INPP5D: variants seen among roughly 807,000 people sequenced by gnomAD.
INPP5D encodes inositol polyphosphate-5-phosphatase D, also known as phosphatidylinositol 3,4,5-trisphosphate 5-phosphatase 1.
In INPP5D, 33 loss-of-function variants were observed where a neutral mutation model predicts 122.9. The observed-to-expected ratio is 0.27, with a 90% CI of 0.20 to 0.36. The LOEUF (loss-of-function observed/expected upper bound fraction) is 0.36, where lower values mean the gene tolerates loss of function less well. Among genes scored for constraint, INPP5D ranks in the 10% least tolerant of loss-of-function variants. The pLI, the probability that INPP5D is intolerant of heterozygous loss-of-function variation, is 1.00. For synonymous variants in INPP5D, 584 were observed against 576.2 expected (o/e 1.01, Z -0.19); for missense variants, 1,053 against 1,412.7 (o/e 0.75, Z 4.08).
intron 25 of INPP5D, among the ~76,000 whole-genome samples, chr2:233,201,546 G>A (rs1695342424): frequency 2.6e-5 from 4 of 152,240 alleles, no homozygotes; most frequent in Admixed American, 2.6e-4. Context: ...CCAGGTCCCA[G>A]GCTCAGCCAG....
chr2:233,090,134 A>T (rs1691953874), intron 2 of INPP5D, among the ~76,000 whole-genome samples: 1 of 152,348 alleles, frequency 6.6e-6, no homozygotes, highest in Admixed American at 6.5e-5. Flanking sequence ...ATGCGTCGCC[A>T]TCCCCTGAAT....
At chr2:233,182,319 T>A (rs1694803937) in intron 18 of INPP5D, 91 bp from the exon 19 acceptor site, 1 of 1,568,128 alleles carries the variant, frequency 6.4e-7, no homozygotes, top group Non-Finnish European at 8.7e-7. Context: ...GCTCCATAAC[T>A]AAAGTTTCTT....
chr2:233,182,053 G>A (rs149187695), intron 18 of INPP5D, among the ~76,000 whole-genome samples: 189 of 152,284 alleles, frequency 1.2e-3, no homozygotes, highest in Non-Finnish European at 1.8e-3. Context: ...CCGAGATCGC[G>A]CCACTGCATT....
rs948717689 is a variant in INPP5D, at chr2:233,147,726, TTG to T, written c.1030+146_1030+147del. ...CGCATGCGCGCCTGCGCTCATGCTT[TTG>T]TGTGTGTGTGTGTCTCTTCTCTTCC... On this transcript the variant is annotated intron_variant, in intron 9 of 26. Coordinates refer to ENST00000445964, the MANE Select transcript of INPP5D (RefSeq NM_001017915.3). 1.3e-3 allele frequency: 786 copies of T among 609,006 alleles called. 1 individual carries two copies. Among genetic ancestry groups the T allele is most frequent in the South Asian group, 2.6e-3 (139 of 53,112 alleles). The allele number at this position is 609,006 out of a possible 1,614,324, so 37.7% of individuals were successfully genotyped here.
At chr2:233,090,647 T>C (rs1253907785) in intron 2 of INPP5D, among the ~76,000 whole-genome samples, 1 of 152,016 alleles carries the variant, frequency 6.6e-6, no homozygotes, top group Non-Finnish European at 1.5e-5. Flanking sequence ...AAAACGGACA[T>C]TCCAACAAGC....
intron 2 of INPP5D, among the ~76,000 whole-genome samples, chr2:233,102,045 C>T (rs753993490): frequency 6.6e-5 from 10 of 151,756 alleles, no homozygotes; most frequent in Non-Finnish European, 4.4e-5. Flanking sequence ...TCTGTTAGTT[C>T]GTTAAACCAC....
At chr2:233,106,444 GA>G (rs1336677272) in intron 2 of INPP5D, among the ~76,000 whole-genome samples, 1 of 152,248 alleles carries the variant, frequency 6.6e-6, no homozygotes. Flanking sequence ...CCTCAGCTCA[GA>G]ACTGGTGCTT....
chr2:233,139,466 CTGTGTGTG>C (rs1191977468), intron 5 of INPP5D, among the ~76,000 whole-genome samples: 49,452 of 147,418 alleles, frequency 0.34, 8,241 homozygotes, highest in East Asian at 0.43. Context: ...TTGTTAACAC[CTGTGTGTG>C]TGTGTGTGTG....
At chr2:233,062,338 C>T (rs1691099343) in intron 1 of INPP5D, among the ~76,000 whole-genome samples, 1 of 152,224 alleles carries the variant, frequency 6.6e-6, no homozygotes, top group African/African-American at 2.4e-5. Flanking sequence ...CCGTGAGCAT[C>T]TTAACGTCTA....
At chr2:233,106,895 T>A (rs2106239264) in intron 2 of INPP5D, among the ~76,000 whole-genome samples, 1 of 152,310 alleles carries the variant, frequency 6.6e-6, no homozygotes, top group East Asian at 1.9e-4. Flanking sequence ...TAACAGAGAC[T>A]TCAGAGCTGT....
intron 3 of INPP5D, among the ~76,000 whole-genome samples, chr2:233,124,729 G>A (rs947679286): frequency 6.6e-6 from 1 of 152,254 alleles, no homozygotes; most frequent in Non-Finnish European, 1.5e-5. Context: ...GGCCCCTCTG[G>A]GCATGGCTGT....
chr2:233,206,304 C>A lies in INPP5D; in HGVS notation c.3568-402C>A, dbSNP rs907765620. ...ATATTTATGTATTTACATTGATATCCATTACATATCATTTCATATATATAT... is the reference window on the plus strand; with the variant it reads ...ATATTTATGTATTTACATTGATATCAATTACATATCATTTCATATATATAT... On this transcript the variant is annotated intron_variant, in intron 26 of 26. Coordinates refer to ENST00000445964, the MANE Select transcript of INPP5D (RefSeq NM_001017915.3). The surrounding 1 kb of genome is among the most constrained non-coding windows in gnomAD (Gnocchi z 4.0). Among the ~76,000 whole-genome samples the A allele has an allele frequency of 1.3e-5, 2 of 151,052 alleles. No homozygotes were observed. Among genetic ancestry groups the A allele is most frequent in the Non-Finnish European group, 2.9e-5 (2 of 67,852 alleles).
At chr2:233,137,803 G>A (rs1333685574) in intron 5 of INPP5D, among the ~76,000 whole-genome samples, 1 of 110,130 alleles carries the variant, frequency 9.1e-6, no homozygotes, top group Admixed American at 1.2e-4. Context: ...TTGCACTCCA[G>A]CCTGGGCAAC....
chr2:233,134,972 G>C (rs1455420540), intron 5 of INPP5D, among the ~76,000 whole-genome samples: 1 of 63,870 alleles, frequency 1.6e-5, no homozygotes, highest in Non-Finnish European at 5.0e-5. Context: ...AAACCTAGAT[G>C]AGGAAATGTG....
intron 9 of INPP5D, 82 bp from the exon 10 acceptor site, chr2:233,158,227 TAGTC>T: frequency 1.6e-6 from 1 of 620,878 alleles, no homozygotes; most frequent in East Asian, 2.8e-5. Flanking sequence ...CGGGAGTTGA[TAGTC>T]AGGTGCCTGG....
intron 25 of INPP5D, among the ~76,000 whole-genome samples, chr2:233,201,062 T>C (rs1695325347): frequency 1.3e-5 from 2 of 152,114 alleles, no homozygotes; most frequent in Non-Finnish European, 2.9e-5. Flanking sequence ...AGGATAGCCC[T>C]GAAGCTCAGC....
intron 19 of INPP5D, 94 bp from the exon 20 acceptor site, chr2:233,184,314 G>A (rs1694854751): frequency 6.7e-7 from 1 of 1,498,298 alleles, no homozygotes; most frequent in Non-Finnish European, 9.0e-7. Flanking sequence ...CTGGGACCCT[G>A]AGAAGGAGCT....
Position 233,163,795 on chromosome 2 carries a change from C to G in INPP5D, c.1329C>G (p.Pro443=), listed in dbSNP as rs1559328014. Residue 443 remains proline, a synonymous_variant, in exon 12 of 27, where the codon CCC becomes CCG. Transcript: ENST00000445964. The stretch of plus-strand genomic sequence containing the variant: ...GGGACGACTCTGCGGACTACATCCC[C>G]CATGACATTTACGTGATCGGCACCC... ...KTRDDSADYI[P]HDIYVIGTQE... 4 of 1,614,010 alleles carry G rather than the reference C, an allele frequency of 2.5e-6. No individual in the cohort carries two copies. The highest frequency in any genetic ancestry group is 2.5e-6 in the Non-Finnish European group (3 of 1,179,892).
At chr2:233,187,075 T>C (rs1208627884) in intron 21 of INPP5D, among the ~76,000 whole-genome samples, 2 of 152,054 alleles carry the variant, frequency 1.3e-5, no homozygotes, top group African/African-American at 4.8e-5. Flanking sequence ...TCCTAGCTGC[T>C]CTGGAGACTG....
Sources: allele counts gnomAD v4.1 joint callset (sites outside exome capture counted in the v4.1 genomes callset), GRCh38; gene constraint gnomAD v4.1.1; non-coding constraint Gnocchi (gnomAD v3.1); transcripts MANE v1.5; gene names NCBI Gene and HGNC (gene_info 2026-07-23, HGNC 2026-07-21).